The following MTDH variants were observed in gnomAD, a reference collection of about 807,000 sequenced individuals.
MTDH encodes the protein protein LYRIC.
In MTDH, 34 loss-of-function variants were observed where a neutral mutation model predicts 72.7. That is an observed-to-expected ratio of 0.47 (90% confidence interval 0.36 to 0.62). The LOEUF is 0.62. Ranked by LOEUF, MTDH falls within the 20% of genes least tolerant of loss-of-function variation. MTDH has a pLI of 0.00. For missense variants in MTDH, 677 were observed against 699.4 expected (o/e 0.97, Z 0.36); for synonymous variants, 266 against 268.9 (o/e 0.99, Z 0.10).
At chr8:97,684,252 CT>C (rs545334581) in intron 2 of MTDH, among the ~76,000 whole-genome samples, 1 of 151,728 alleles carries the variant, frequency 6.6e-6, no homozygotes, top group African/African-American at 2.4e-5. Context: ...TATTGTGTTG[CT>C]TTTTTTATAT....
rs374339301 is a variant in MTDH, at chr8:97,715,946, C to T, written c.1380+2177C>T. Among the ~76,000 whole-genome samples, 8 of 151,472 alleles carry T rather than the reference C, an allele frequency of 5.3e-5. No homozygotes were observed. In the East Asian group the frequency reaches 1.5e-3, roughly 29 times the overall value. On this transcript the variant is annotated intron_variant, in intron 9 of 11. Transcript: ENST00000336273. The stretch of plus-strand genomic sequence containing the variant: ...TTTAAAAATATAATGAATAAGTATT[C>T]TAGGTTTAGAGTCAGATCTATATTC...
chr8:97,674,702 A>G (rs1812770816), intron 2 of MTDH, among the ~76,000 whole-genome samples: 1 of 152,254 alleles, frequency 6.6e-6, no homozygotes, highest in Non-Finnish European at 1.5e-5. Context: ...GAAGTAGAAA[A>G]AACAAAAATC....
At chr8:97,654,600 G>GA (rs1402783160) in intron 1 of MTDH, among the ~76,000 whole-genome samples, 1 of 151,442 alleles carries the variant, frequency 6.6e-6, no homozygotes, top group Admixed American at 6.6e-5. Flanking sequence ...TACATGTGCG[G>GA]AATGTGCAGG....
At chr8:97,706,045 G>A (rs1014267954) in intron 7 of MTDH, among the ~76,000 whole-genome samples, 2 of 152,166 alleles carry the variant, frequency 1.3e-5, no homozygotes, top group Admixed American at 6.5e-5. Context: ...TGGATAAAAA[G>A]CACATTGAAT....
chr8:97,684,866 GACC>G (rs1463158226), intron 2 of MTDH, among the ~76,000 whole-genome samples: 2 of 152,186 alleles, frequency 1.3e-5, no homozygotes, highest in Non-Finnish European at 2.9e-5. Context: ...AGGAGTTCGA[GACC>G]AGCCTGGCTG....
At chr8:97,698,571 T>G (rs894877215) in intron 6 of MTDH, among the ~76,000 whole-genome samples, 11 of 152,218 alleles carry the variant, frequency 7.2e-5, no homozygotes, top group African/African-American at 2.7e-4. Context: ...TAATATTTTG[T>G]TTTCTTTAAA....
intron 2 of MTDH, among the ~76,000 whole-genome samples, chr8:97,670,952 G>GTTGTT (rs1354383434): frequency 1.9e-4 from 15 of 77,988 alleles, no homozygotes; most frequent in Non-Finnish European, 2.8e-4. Flanking sequence ...TGTTGTTGTT[G>GTTGTT]TTTTTTTTTT....
intron 6 of MTDH, among the ~76,000 whole-genome samples, chr8:97,691,725 T>C (rs937851588): frequency 6.6e-6 from 1 of 150,448 alleles, no homozygotes; most frequent in Non-Finnish European, 1.5e-5. Flanking sequence ...GTGTGTGTAT[T>C]ATAGAAAAGA....
rs546706302 is a variant in MTDH at position 97,679,510 on chromosome 8, T to C, written c.484-7158T>C. Among the ~76,000 whole-genome samples, 4 of 152,340 alleles carry C rather than the reference T, an allele frequency of 2.6e-5. No individual in the cohort carries two copies. In the East Asian group the frequency reaches 7.7e-4, roughly 29 times the overall value. On this transcript the variant is annotated intron_variant, in intron 2 of 11. Coordinates refer to ENST00000336273, the MANE Select transcript of MTDH (RefSeq NM_178812.4). ...ATTAGGTTGAAAAATTAGTGTCGTA[T>C]TTCAGTAAGCATGGCCAATCATGTG...
At chr8:97,695,347 C>T (rs138436205) in intron 6 of MTDH, among the ~76,000 whole-genome samples, 1 of 152,096 alleles carries the variant, frequency 6.6e-6, no homozygotes, top group Non-Finnish European at 1.5e-5. Flanking sequence ...CTCCTGACCT[C>T]ATAATCTGCC....
At chr8:97,716,517 G>A (rs760947637) in intron 9 of MTDH, among the ~76,000 whole-genome samples, 7 of 152,002 alleles carry the variant, frequency 4.6e-5, no homozygotes, top group Non-Finnish European at 1.0e-4. Flanking sequence ...GTGAAACCCC[G>A]TCTCTACTGA....
At chr8:97,661,997 C>CATACCACAT (rs1396225645) in intron 2 of MTDH, among the ~76,000 whole-genome samples, 1 of 151,588 alleles carries the variant, frequency 6.6e-6, no homozygotes, top group Non-Finnish European at 1.5e-5. Context: ...GACAATCTAT[C>CATACCACAT]ATACCACATA....
chr8:97,690,201 G>T (rs1439012560), intron 5 of MTDH, among the ~76,000 whole-genome samples: 3 of 152,042 alleles, frequency 2.0e-5, no homozygotes, highest in Non-Finnish European at 4.4e-5. Flanking sequence ...ATGTTGGCCA[G>T]GCTAGTCTTG....
intron 5 of MTDH, among the ~76,000 whole-genome samples, chr8:97,689,947 G>T (rs1418815227): frequency 6.7e-6 from 1 of 148,232 alleles, no homozygotes; most frequent in Non-Finnish European, 1.5e-5. Context: ...GACCTCAGGT[G>T]ATCCACCCAC....
chr8:97,710,722 G>A lies in MTDH; in HGVS notation c.1273-2940G>A, dbSNP rs1036680644. On this transcript the variant is annotated intron_variant, in intron 8 of 11. Coordinates refer to ENST00000336273, the MANE Select transcript of MTDH (RefSeq NM_178812.4). ...AAAAAAAAAAAAAATAGATAAGGCC[G>A]GGCGCGGTGGTTCACGCCTGTAATC... Among the ~76,000 whole-genome samples, 6 of 147,772 alleles carry A rather than the reference G, an allele frequency of 4.1e-5. No homozygotes were observed. The East Asian group carries it at 1.0e-3, about 25-fold the overall frequency.
intron 10 of MTDH, among the ~76,000 whole-genome samples, chr8:97,719,623 G>C (rs777349708): frequency 9.9e-5 from 15 of 151,970 alleles, no homozygotes; most frequent in Non-Finnish European, 2.1e-4. Flanking sequence ...AATCCCGAGA[G>C]AAAGGTGAGA....
chr8:97,714,929 G>A lies in MTDH; in HGVS notation c.1380+1160G>A, dbSNP rs548418484. On this transcript the variant is annotated intron_variant, in intron 9 of 11. Coordinates refer to ENST00000336273, the MANE Select transcript of MTDH (RefSeq NM_178812.4). ...CAGCCTCTGCCTCCCAGGTTCAAGC[G>A]ATTCTCCTGCCTCAGCTTCCCAAGT... Among the ~76,000 whole-genome samples the A allele has an allele frequency of 2.9e-3, 438 of 152,034 alleles. 1 individual carries two copies. Among genetic ancestry groups the A allele is most frequent in the African/African-American group, 8.8e-3 (366 of 41,494 alleles).
chr8:97,703,525 T>C (rs1015346451), intron 7 of MTDH, among the ~76,000 whole-genome samples: 4 of 152,210 alleles, frequency 2.6e-5, no homozygotes, highest in African/African-American at 9.6e-5. Flanking sequence ...GAGACATGGC[T>C]TATGGACGGC....
intron 2 of MTDH, among the ~76,000 whole-genome samples, chr8:97,661,419 A>C (rs1257955515): frequency 6.6e-6 from 1 of 152,216 alleles, no homozygotes. Context: ...CATTATACCA[A>C]AAACAATTCA....
Sources: gnomAD v4.1 joint callset for allele counts (sites outside exome capture counted in the v4.1 genomes callset) on GRCh38, gnomAD v4.1.1 for gene constraint, MANE v1.5 for transcripts, NCBI Gene and HGNC (gene_info 2026-07-23, HGNC 2026-07-21) for gene names.